The following VTI1A variants were observed in gnomAD, a reference collection of about 807,000 sequenced individuals.
The protein encoded by VTI1A is vesicle transport through interaction with t-SNAREs 1A.
In VTI1A, 22 loss-of-function variants were observed where a neutral mutation model predicts 34.9. The observed-to-expected ratio is 0.63, with a 90% CI of 0.45 to 0.90. VTI1A has a LOEUF of 0.90. Among genes scored for constraint, VTI1A ranks in the 40% least tolerant of loss-of-function variants. The probability of loss-of-function intolerance (pLI) is 0.00; values close to 1 mark genes in which losing one functional copy is unlikely to be tolerated. For missense variants in VTI1A, 268 were observed against 275.6 expected, an observed-to-expected ratio of 0.97 and a Z score of 0.20; for synonymous variants, 87 against 97.3, an observed-to-expected ratio of 0.89 and a Z score of 0.62.
At chr10:112,709,967 C>T (rs1193709715) in intron 7 of VTI1A, among the ~76,000 whole-genome samples, 1 of 144,974 alleles carries the variant, frequency 6.9e-6, no homozygotes, top group Admixed American at 7.0e-5. Flanking sequence ...CTCTGTGTTG[C>T]TTTGATTGTA....
chr10:112,576,926 A>G (rs573185665), intron 5 of VTI1A, among the ~76,000 whole-genome samples: 39 of 152,350 alleles, frequency 2.6e-4, no homozygotes, highest in African/African-American at 8.9e-4. Context: ...TACAGATAGT[A>G]TATGCCAATA....
chr10:112,547,871 G>C (rs1296748317), intron 5 of VTI1A, among the ~76,000 whole-genome samples: 4 of 151,956 alleles, frequency 2.6e-5, no homozygotes, highest in Non-Finnish European at 5.9e-5. Context: ...TCTTTATCTA[G>C]TTCTTTTTAA....
At chr10:112,800,719 T>C (rs79892480) in intron 7 of VTI1A, among the ~76,000 whole-genome samples, 3,116 of 152,334 alleles carry the variant, frequency 0.02, 45 homozygotes, top group Middle Eastern at 0.061. Flanking sequence ...AGAGACCTGA[T>C]GGTAGATTGT....
At chr10:112,530,729 T>C (rs1395173705) in intron 4 of VTI1A, among the ~76,000 whole-genome samples, 3 of 152,154 alleles carry the variant, frequency 2.0e-5, no homozygotes, top group African/African-American at 7.2e-5. Context: ...GGGCTTGCTG[T>C]GCATAAAGTG....
intron 1 of VTI1A, among the ~76,000 whole-genome samples, chr10:112,455,523 C>A: frequency 1.1e-5 from 1 of 91,132 alleles, no homozygotes; most frequent in Non-Finnish European, 2.2e-5. Flanking sequence ...TCCTTTCCTT[C>A]CTTTGTTCCT....
In VTI1A at chr10:112,536,483, C is replaced by G. The variant is rs147616378; in HGVS notation, c.343-1763C>G. 3.0e-3 allele frequency among the ~76,000 whole-genome samples: 452 copies of G among 152,282 alleles called. 2 individuals carry two copies. Among genetic ancestry groups the G allele is most frequent in the African/African-American group, 0.01 (427 of 41,570 alleles). On this transcript the variant is annotated intron_variant, in intron 4 of 7. Transcript: ENST00000393077. ...TAAAAATAGTCATCAATGCCAGACACACAGAGCTCCCCTTTCTCTTCTTTT... is the reference window on the plus strand; with the variant it reads ...TAAAAATAGTCATCAATGCCAGACAGACAGAGCTCCCCTTTCTCTTCTTTT...
At chr10:112,641,037 T>A (rs2134667566) in intron 5 of VTI1A, among the ~76,000 whole-genome samples, 1 of 152,236 alleles carries the variant, frequency 6.6e-6, no homozygotes, top group East Asian at 1.9e-4. Flanking sequence ...ATTGCCCTGT[T>A]GTCTTGTGAC....
At chr10:112,822,667 C>T (rs1853674940), downstream of VTI1A, among the ~76,000 whole-genome samples, 1 of 121,992 alleles carries the variant, frequency 8.2e-6, no homozygotes, top group Non-Finnish European at 1.8e-5. Context: ...TCTCATTCAT[C>T]CACACCCACC....
chr10:112,702,648 G>T (rs11196064), intron 7 of VTI1A, among the ~76,000 whole-genome samples: 2,203 of 152,280 alleles, frequency 0.014, 44 homozygotes, highest in Non-Finnish European at 0.017. Context: ...GTGCAGTGGT[G>T]TGATCTCGGC....
intron 5 of VTI1A, among the ~76,000 whole-genome samples, chr10:112,550,970 G>T (rs578093822): frequency 1.3e-5 from 2 of 152,108 alleles, no homozygotes; most frequent in Non-Finnish European, 2.9e-5. Context: ...ACGGCCGGGC[G>T]CGGTGGCTCA....
At chr10:112,633,196 A>G (rs576607042) in intron 5 of VTI1A, among the ~76,000 whole-genome samples, 1 of 152,236 alleles carries the variant, frequency 6.6e-6, no homozygotes, top group African/African-American at 2.4e-5. Flanking sequence ...GATGAAAGCC[A>G]CTTTTCTAGG....
chr10:112,695,923 G>A (rs377261868), intron 7 of VTI1A, among the ~76,000 whole-genome samples: 3 of 152,158 alleles, frequency 2.0e-5, no homozygotes, highest in Admixed American at 6.5e-5. Context: ...TAGATGAAAC[G>A]TGTAAGTTGT....
chr10:112,714,809 C>G (rs764555473), intron 7 of VTI1A, among the ~76,000 whole-genome samples: 8 of 152,182 alleles, frequency 5.3e-5, no homozygotes, highest in Non-Finnish European at 1.0e-4. Flanking sequence ...AAAAATCCAC[C>G]ATTATATTAG....
At chr10:112,719,710 C>G (rs1164510617) in intron 7 of VTI1A, among the ~76,000 whole-genome samples, 1 of 152,142 alleles carries the variant, frequency 6.6e-6, no homozygotes, top group Non-Finnish European at 1.5e-5. Context: ...CCACACCCTG[C>G]TAGTTTTGTA....
intron 5 of VTI1A, among the ~76,000 whole-genome samples, chr10:112,661,604 G>A (rs1041473956): frequency 2.0e-5 from 3 of 152,104 alleles, no homozygotes; most frequent in African/African-American, 7.2e-5. Context: ...AATTTTTGAA[G>A]GCTATTATTG....
the VTI1A span, among the ~76,000 whole-genome samples, chr10:112,851,069 T>G: frequency 6.6e-6 from 1 of 152,224 alleles, no homozygotes; most frequent in Admixed American, 6.5e-5. Context: ...CATGGAAGAT[T>G]GGCTTTAAGA....
At chr10:112,736,321 C>T (rs1359588732) in intron 7 of VTI1A, among the ~76,000 whole-genome samples, 2 of 151,748 alleles carry the variant, frequency 1.3e-5, no homozygotes, top group African/African-American at 4.8e-5. Context: ...GATATACCAC[C>T]ACTAGATTGT....
At chr10:112,627,979 T>G (rs939077424) in intron 5 of VTI1A, among the ~76,000 whole-genome samples, 4 of 152,052 alleles carry the variant, frequency 2.6e-5, no homozygotes, top group Non-Finnish European at 5.9e-5. Flanking sequence ...CATGAGAAAA[T>G]GAGCCCCGCG....
intron 5 of VTI1A, among the ~76,000 whole-genome samples, chr10:112,576,256 G>A (rs111783428): frequency 1.5e-4 from 23 of 151,352 alleles, no homozygotes; most frequent in African/African-American, 5.3e-4. Flanking sequence ...TCCTGACCTC[G>A]TGATCCGCCC....
Sources: allele counts gnomAD v4.1 joint callset (sites outside exome capture counted in the v4.1 genomes callset), GRCh38; gene constraint gnomAD v4.1.1; transcripts MANE v1.5; gene names NCBI Gene and HGNC (gene_info 2026-07-23, HGNC 2026-07-21).